CNTNAP5: variants seen among roughly 807,000 people sequenced by gnomAD.
CNTNAP5 encodes contactin-associated protein-like 5.
In CNTNAP5, 72 loss-of-function variants were observed where a neutral mutation model predicts 150.2. The ratio of observed to expected loss-of-function variants is 0.48; its 90% CI spans 0.40 to 0.58. The LOEUF is 0.58. Among genes scored for constraint, CNTNAP5 ranks in the 20% least tolerant of loss-of-function variants. The pLI is 0.00. For synonymous variants in CNTNAP5, 672 were observed against 619.8 expected, an observed-to-expected ratio of 1.08 and a Z score of -1.25; for missense variants, 1,636 against 1,626.2, an observed-to-expected ratio of 1.01 and a Z score of -0.10.
chr2:124,220,268 C>T (rs1321301827), intron 1 of CNTNAP5, among the ~76,000 whole-genome samples: 1 of 151,982 alleles, frequency 6.6e-6, no homozygotes, highest in Non-Finnish European at 1.5e-5. Context: ...TTCATGAAGT[C>T]ATTGTTCAAT....
chr2:124,343,541 G>A (rs1689667668), intron 3 of CNTNAP5, among the ~76,000 whole-genome samples: 1 of 152,016 alleles, frequency 6.6e-6, no homozygotes, highest in African/African-American at 2.4e-5. Flanking sequence ...TAAAATCACA[G>A]GTCACCATAA....
rs567009730 is a variant in CNTNAP5 at position 124,441,538 on chromosome 2, T to C, written c.734-5215T>C. ...AGTATAGTCTAATTATTGAGTATTC[T>C]ATTTATTAAATATTACTTTTAATTT... On this transcript the variant is annotated intron_variant, in intron 5 of 23. Transcript: ENST00000682447. Among the ~76,000 whole-genome samples the C allele has an allele frequency of 2.6e-5, 4 of 152,220 alleles. No individual in the cohort carries two copies. The East Asian group carries it at 7.7e-4, about 29-fold the overall frequency.
chr2:124,507,112 C>CT lies in CNTNAP5; in HGVS notation c.1327+2560dup, dbSNP rs1188100037. 3.9e-5 allele frequency among the ~76,000 whole-genome samples: 6 copies of CT among 152,200 alleles called. No individual in the cohort carries two copies. In the East Asian group the frequency reaches 9.6e-4, roughly 24 times the overall value. ...CCAAAGAAATGGCAGATGGTTGATGCTTTTATATCACCTTGAGATTATAGA... is the reference window on the plus strand; with the variant it reads ...CCAAAGAAATGGCAGATGGTTGATGCTTTTTATATCACCTTGAGATTATAGA... On this transcript the variant is annotated intron_variant, in intron 8 of 23. Coordinates refer to ENST00000682447, the MANE Select transcript of CNTNAP5 (RefSeq NM_001367498.1).
chr2:124,385,890 CT>C (rs968368255), intron 3 of CNTNAP5, among the ~76,000 whole-genome samples: 2 of 152,086 alleles, frequency 1.3e-5, no homozygotes, highest in Non-Finnish European at 2.9e-5. Flanking sequence ...TACATTCATT[CT>C]TTTTTTGTTT....
intron 1 of CNTNAP5, among the ~76,000 whole-genome samples, chr2:124,112,555 T>A (rs1683322806): frequency 6.6e-6 from 1 of 152,208 alleles, no homozygotes; most frequent in African/African-American, 2.4e-5. Context: ...AGTGTTTTAT[T>A]TTTTAATCTT....
At chr2:124,650,722 G>A (rs1039289228) in intron 13 of CNTNAP5, among the ~76,000 whole-genome samples, 2 of 152,088 alleles carry the variant, frequency 1.3e-5, no homozygotes, top group East Asian at 1.9e-4. Flanking sequence ...GTCACACACA[G>A]GAAATGTACA....
At chr2:124,230,195 C>T in intron 2 of CNTNAP5, among the ~76,000 whole-genome samples, 1 of 152,096 alleles carries the variant, frequency 6.6e-6, no homozygotes, top group South Asian at 2.1e-4. Context: ...GTACTTGTTA[C>T]AAATTGCTAA....
At chr2:124,872,235 C>G (rs548447149) in intron 21 of CNTNAP5, among the ~76,000 whole-genome samples, 22 of 152,014 alleles carry the variant, frequency 1.4e-4, no homozygotes, top group African/African-American at 5.1e-4. Flanking sequence ...TTGTTTCCAT[C>G]TTTTTATGTA....
At chr2:124,047,642 G>A (rs1000503227) in intron 1 of CNTNAP5, among the ~76,000 whole-genome samples, 8 of 152,172 alleles carry the variant, frequency 5.3e-5, no homozygotes, top group South Asian at 2.1e-4. Context: ...CGCCTCCTGC[G>A]ATGACCTCCA....
At chr2:124,156,333 G>A (rs1307927956) in intron 1 of CNTNAP5, among the ~76,000 whole-genome samples, 1 of 152,170 alleles carries the variant, frequency 6.6e-6, no homozygotes, top group African/African-American at 2.4e-5. Flanking sequence ...TCTGTGGGGA[G>A]TAAAATTCCC....
intron 3 of CNTNAP5, among the ~76,000 whole-genome samples, chr2:124,351,510 A>C (rs1239501535): frequency 6.6e-6 from 1 of 152,248 alleles, no homozygotes; most frequent in Non-Finnish European, 1.5e-5. Flanking sequence ...GAAGCTGGAA[A>C]GAGTGGATTC....
At chr2:124,908,087 A>G (rs1678574880) in intron 22 of CNTNAP5, among the ~76,000 whole-genome samples, 1 of 152,022 alleles carries the variant, frequency 6.6e-6, no homozygotes, top group Non-Finnish European at 1.5e-5. Context: ...AAAAAAAGCC[A>G]TGAGGCTGGA....
intron 3 of CNTNAP5, among the ~76,000 whole-genome samples, chr2:124,408,479 T>A (rs1481992902): frequency 6.6e-6 from 1 of 152,068 alleles, no homozygotes; most frequent in Non-Finnish European, 1.5e-5. Flanking sequence ...GACTTAAATG[T>A]CTCTGTCTGA....
rs774125649 is a variant in CNTNAP5, at chr2:124,789,908, C to T, written c.2759C>T (p.Thr920Met). Residue 920 changes from threonine (T) to methionine (M), a missense_variant, in exon 18 of 24, where the codon ACG becomes ATG. Coordinates refer to ENST00000682447, the MANE Select transcript of CNTNAP5 (RefSeq NM_001367498.1). Reference protein sequence around the residue: ...QLNSQLFVGGTSSRQKGFLGC... With the variant: ...QLNSQLFVGGMSSRQKGFLGC... Reference sequence around the variant, plus strand: ...CTTTTATTTAACCTCTTAGGGGGAACGTCATCCAGACAGAAAGGCTTCCTA... The same window carrying T: ...CTTTTATTTAACCTCTTAGGGGGAATGTCATCCAGACAGAAAGGCTTCCTA... The T allele has an allele frequency of 1.1e-5, 17 of 1,612,896 alleles. No homozygotes were observed. The highest frequency in any genetic ancestry group is 2.7e-5 in the African/African-American group (2 of 74,908).
Position 124,766,750 on chromosome 2 carries a change from G to A in CNTNAP5, c.2533+2603G>A, listed in dbSNP as rs961053483. On this transcript the variant is annotated intron_variant, in intron 16 of 23. Coordinates refer to ENST00000682447, the MANE Select transcript of CNTNAP5 (RefSeq NM_001367498.1). ...TTGATTCATTAAAGCAGCAGCAAAC[G>A]TATATTATTACAAAGTAATGACTGA... Among the ~76,000 whole-genome samples the A allele has an allele frequency of 3.9e-5, 6 of 152,240 alleles. 1 individual carries two copies. Among genetic ancestry groups the A allele is most frequent in the South Asian group, 4.1e-4 (2 of 4,832 alleles).
Position 124,813,165 on chromosome 2 carries a change from C to G in CNTNAP5, c.3217+14845C>G, listed in dbSNP as rs1038459106. 3.3e-5 allele frequency among the ~76,000 whole-genome samples: 5 copies of G among 151,094 alleles called. No individual in the cohort carries two copies. In the East Asian group the frequency reaches 9.8e-4, roughly 30 times the overall value. ...GATCTCGGCTCACTGCAAGCTCCACCTCCTGGGTTCACGCCATTTTCCTGC... is the reference window on the plus strand; with the variant it reads ...GATCTCGGCTCACTGCAAGCTCCACGTCCTGGGTTCACGCCATTTTCCTGC... On this transcript the variant is annotated intron_variant, in intron 19 of 23. Transcript: ENST00000682447.
intron 1 of CNTNAP5, among the ~76,000 whole-genome samples, chr2:124,130,197 C>T (rs1399555749): frequency 2.0e-5 from 3 of 152,020 alleles, no homozygotes; most frequent in African/African-American, 7.2e-5. Flanking sequence ...CTCTTAAGTT[C>T]CAAGAAATTA....
intron 3 of CNTNAP5, among the ~76,000 whole-genome samples, chr2:124,378,279 A>AG (rs1460486636): frequency 6.6e-6 from 1 of 152,032 alleles, no homozygotes; most frequent in Non-Finnish European, 1.5e-5. Flanking sequence ...TAAAAAAAAA[A>AG]CATGCTTTTT....
chr2:124,522,907 G>A (rs1301950495), intron 8 of CNTNAP5, among the ~76,000 whole-genome samples: 2 of 152,224 alleles, frequency 1.3e-5, no homozygotes, highest in African/African-American at 4.8e-5. Context: ...CTCACATGGA[G>A]TTAGTTAGGC....
Sources: allele counts gnomAD v4.1 joint callset (sites outside exome capture counted in the v4.1 genomes callset), GRCh38; gene constraint gnomAD v4.1.1; transcripts MANE v1.5; gene names NCBI Gene and HGNC (gene_info 2026-07-23, HGNC 2026-07-21).